Variants in PLEKHN1 observed in about 807,000 individuals in gnomAD.
The protein encoded by PLEKHN1 is pleckstrin homology domain containing N1.
In PLEKHN1, 68 loss-of-function variants were observed where a neutral mutation model predicts 72.8. The observed-to-expected ratio is 0.93, with a 90% CI of 0.77 to 1.14. The LOEUF (loss-of-function observed/expected upper bound fraction) is 1.14. PLEKHN1 is among the 50% of genes most tolerant of loss of function. The pLI is 0.00. For missense variants in PLEKHN1, 1,015 were observed against 840.5 expected, an observed-to-expected ratio of 1.21 and a Z score of -2.57; for synonymous variants, 454 against 371.6, an observed-to-expected ratio of 1.22 and a Z score of -2.55.
intron 14 of PLEKHN1, 85 bp from the exon 15 acceptor site, chr1:974,231 T>A: frequency 6.3e-7 from 1 of 1,587,456 alleles, no homozygotes; most frequent in Non-Finnish European, 8.6e-7. Flanking sequence ...CAGGGGGACA[T>A]GGGGGGCTGC....
In PLEKHN1 at chr1:972,937, C is replaced by T; in HGVS notation, c.1079C>T (p.Ser360Phe). The T allele has an allele frequency of 1.9e-6, 3 of 1,564,984 alleles. No homozygotes were observed. Among genetic ancestry groups the T allele is most frequent in the Non-Finnish European group, 2.6e-6 (3 of 1,154,704 alleles). ...SWDSGCLAPP[S>F]TRTSHSLPES... ...GACTCGGGGTGCTTGGCGCCCCCCT[C>T]CACCCGCACCAGCCACTCCCTGCCT... Residue 360 changes from serine (S) to phenylalanine (F), a missense_variant, in exon 11 of 16, where the codon TCC becomes TTC. Physicochemically the swap from Ser to Phe is radical, Grantham distance 155. Transcript: ENST00000379410.
intron 2 of PLEKHN1, among the ~76,000 whole-genome samples, 200 bp downstream of exon 2, chr1:967,003 A>C (rs1643030028): frequency 6.6e-6 from 1 of 152,202 alleles, no homozygotes; most frequent in African/African-American, 2.4e-5. Flanking sequence ...ACCGCGACGC[A>C]GGACTGAGTC....
In PLEKHN1 at chr1:974,610, C is replaced by G. The variant is rs543878722; in HGVS notation, c.*35C>G. The G allele has an allele frequency of 7.3e-5, 116 of 1,583,572 alleles. No individual in the cohort carries two copies. Among genetic ancestry groups the G allele is most frequent in the Middle Eastern group, 7.3e-4 (4 of 5,474 alleles). On this transcript the variant is annotated 3_prime_UTR_variant, in exon 16 of 16. Transcript: ENST00000379410. ...TGAGGTGGGTTCTCAGGACCACCCT[C>G]GCCAAGCTCCAGGGTACCTGCCCCT...
Position 973,881 on chromosome 1 carries a change from C to A in PLEKHN1, c.1483C>A (p.Leu495Ile), listed in dbSNP as rs765245243. ...SARGPTPSSP[L>I]PSVPVSVPAS... ...ACGTGGACCCACGCCCTCGAGCCCACTCCCCTCGGTGCCTGTGTCTGTGCC... is the reference window on the plus strand; with the variant it reads ...ACGTGGACCCACGCCCTCGAGCCCAATCCCCTCGGTGCCTGTGTCTGTGCC... The change falls in exon 14 of 16, where the codon CTC becomes ATC. Residue 495 changes from leucine (L) to isoleucine (I), a missense_variant. Leu to Ile is a conservative substitution (Grantham distance 5). Coordinates refer to ENST00000379410, the MANE Select transcript of PLEKHN1 (RefSeq NM_032129.3). The A allele has an allele frequency of 6.2e-7, 1 of 1,611,096 alleles. No individual in the cohort carries two copies. Among genetic ancestry groups the A allele is most frequent in the Non-Finnish European group, 8.5e-7 (1 of 1,179,910 alleles).
Position 973,883 on chromosome 1 carries a change from C to A in PLEKHN1, c.1485C>A (p.Leu495=). The part of the protein sequence containing the change: ...SARGPTPSSP[L]PSVPVSVPAS... ...GTGGACCCACGCCCTCGAGCCCACT[C>A]CCCTCGGTGCCTGTGTCTGTGCCTG... is the stretch of plus-strand genomic sequence containing the variant. The change falls in exon 14 of 16, where the codon CTC becomes CTA. Residue 495 remains leucine, a synonymous_variant. Coordinates refer to ENST00000379410, the MANE Select transcript of PLEKHN1 (RefSeq NM_032129.3). 6.2e-7 allele frequency: 1 copy of A among 1,611,066 alleles called. No individual in the cohort carries two copies. Among genetic ancestry groups the A allele is most frequent in the Non-Finnish European group, 8.5e-7 (1 of 1,179,876 alleles).
Position 974,800 on chromosome 1 carries a change from AG to A in PLEKHN1, c.*227del, listed in dbSNP as rs1643529957. ...CATCCAAAGGATGCCCTGGCCAGCG[AG>A]GCTGGGTCACAGGTCAGGGAGGTCC... On this transcript the variant is annotated 3_prime_UTR_variant, in exon 16 of 16. Coordinates refer to ENST00000379410, the MANE Select transcript of PLEKHN1 (RefSeq NM_032129.3). 1.6e-6 allele frequency: 1 copy of A among 622,982 alleles called. No homozygotes were observed. 38.6% of individuals were successfully genotyped at this position (622,982 alleles called of 1,614,324 possible).
In PLEKHN1 at chr1:972,988, G is replaced by A. The variant is rs761371239; in HGVS notation, c.1130G>A (p.Gly377Asp). Residue 377 changes from glycine (G) to aspartate (D), a missense_variant, in exon 11 of 16, where the codon GGC (glycine) becomes GAC (aspartate). Gly to Asp is a moderately conservative substitution (Grantham distance 94). Transcript: ENST00000379410. ...LPESSVPSTV[G>D]CSSQHTPDQA... ...GAGTCCTCAGTGCCATCCACCGTGG[G>A]CTGCTCCTCCCAGCACACACCGGTG... is the stretch of plus-strand genomic sequence containing the variant. 3.3e-5 allele frequency: 52 copies of A among 1,596,482 alleles called. No individual in the cohort carries two copies. The East Asian group carries it at 1.0e-3, about 32-fold the overall frequency.
In PLEKHN1 at chr1:975,029, T is replaced by C. The variant is rs28536514; in HGVS notation, c.*454T>C. On this transcript the variant is annotated 3_prime_UTR_variant, in exon 16 of 16. Coordinates refer to ENST00000379410, the MANE Select transcript of PLEKHN1 (RefSeq NM_032129.3). ...AGCCAGGGTGCCCCGAGGAGGAGGG[T>C]GGGTGGGTCCTTGTGTGGCCTGGCG... 24,243 of 164,486 alleles carry C rather than the reference T, an allele frequency of 0.15. 1,844 individuals carry two copies. Among genetic ancestry groups the C allele is most frequent in the African/African-American group, 0.19 (7,528 of 40,186 alleles). 10.2% of individuals were successfully genotyped at this position (164,486 alleles called of 1,614,324 possible).
chr1:967,571 G>A (rs552767313), intron 2 of PLEKHN1, among the ~76,000 whole-genome samples: 6 of 152,108 alleles, frequency 3.9e-5, no homozygotes, highest in African/African-American at 1.2e-4. Flanking sequence ...GAGCATCTGC[G>A]GGAGAGGACG....
rs537650048 is a variant in PLEKHN1, at chr1:974,686, G to GA, written c.*112dup. On this transcript the variant is annotated 3_prime_UTR_variant, in exon 16 of 16. Coordinates refer to ENST00000379410, the MANE Select transcript of PLEKHN1 (RefSeq NM_032129.3). ...GGGTCTGAACCCAGTGTGATGGGGG[G>GA]AGTCTCTGGGGCCCTGAGTTCAGAG... 48 of 1,354,438 alleles carry GA rather than the reference G, an allele frequency of 3.5e-5. No individual in the cohort carries two copies. The East Asian group carries it at 9.1e-4, about 26-fold the overall frequency. 83.9% of individuals were successfully genotyped at this position (1,354,438 alleles called of 1,614,324 possible). A position where few individuals can be genotyped will look rare whatever the true frequency, so the allele number is the denominator to read the frequency against.
chr1:973,934 C>G lies in PLEKHN1; in HGVS notation c.1536C>G (p.Ser512=), dbSNP rs138435605. 1 of 1,611,142 alleles carries G rather than the reference C, an allele frequency of 6.2e-7. No individual in the cohort carries two copies. The highest frequency in any genetic ancestry group is 1.1e-5 in the South Asian group (1 of 91,018). The change falls in exon 14 of 16, where the codon TCC becomes TCG. Residue 512 remains serine (S), a synonymous_variant. Transcript: ENST00000379410. ...VPASDPRSCS[S]GPAGPYLLSK... Reference sequence around the variant, plus strand: ...CCTCTGACCCTCGCTCCTGCTCCTCCGGCCCCGCTGGCCCCTACTTGCTCT... The same window carrying G: ...CCTCTGACCCTCGCTCCTGCTCCTCGGGCCCCGCTGGCCCCTACTTGCTCT...
In PLEKHN1 at chr1:971,112, G is replaced by C. The variant is rs1377092275; in HGVS notation, c.613-1G>C. The C allele has an allele frequency of 6.3e-7, 1 of 1,594,546 alleles. No individual in the cohort carries two copies. Among genetic ancestry groups the C allele is most frequent in the South Asian group, 1.1e-5 (1 of 88,254 alleles). On this transcript the variant is annotated splice_acceptor_variant, in intron 6 of 15. Transcript: ENST00000379410. LOFTEE classifies it high-confidence loss of function. Reference sequence around the variant, plus strand: ...GAGACGAACTCCCCTGGACTTTGCAGCGCCGTCTAACCCGGCTGCGGACGG... The same window carrying C: ...GAGACGAACTCCCCTGGACTTTGCACCGCCGTCTAACCCGGCTGCGGACGG...
At chr1:972,470 A>T in intron 10 of PLEKHN1, 46 bp downstream of exon 10, 1 of 1,505,866 alleles carries the variant, frequency 6.6e-7, no homozygotes, top group East Asian at 2.5e-5. Flanking sequence ...GGCAGTGGTA[A>T]AAAGGGGGCA....
rs148853412 is a variant in PLEKHN1 at position 974,495 on chromosome 1, G to A, written c.1756G>A (p.Glu586Lys). Residue 586 changes from glutamate to lysine, a missense_variant, in exon 16 of 16, where the codon GAG (glutamate) becomes AAG (lysine). Coordinates refer to ENST00000379410, the MANE Select transcript of PLEKHN1 (RefSeq NM_032129.3). The part of the protein sequence containing the change: ...RDPGYDHLWD[E>K]TLSSSHQKCP... ...CCCCGGCTACGACCACCTCTGGGAC[G>A]AGACTTTGTCTTCCTCCCACCAGAA... 3.3e-4 allele frequency: 534 copies of A among 1,612,690 alleles called. 3 individuals carry two copies. In the African/African-American group the frequency reaches 6.2e-3, roughly 19 times the overall value.
Position 975,127 on chromosome 1 carries a change from G to A in PLEKHN1, c.*552G>A, listed in dbSNP as rs1278516881. 1 of 152,012 alleles carries A rather than the reference G, an allele frequency of 6.6e-6. No homozygotes were observed. The highest frequency in any genetic ancestry group is 1.5e-5 in the Non-Finnish European group (1 of 68,406). The allele number at this position is 152,012 out of a possible 1,614,324, so 9.4% of individuals were successfully genotyped here. A position where few individuals can be genotyped will look rare whatever the true frequency, so the allele number is the denominator to read the frequency against. The stretch of plus-strand genomic sequence containing the variant: ...GAAAAAAGAGAGAAGAGAGAGAGGA[G>A]AAGAGAGAAAAGAAGAGAAGAGAGA... On this transcript the variant is annotated 3_prime_UTR_variant, in exon 16 of 16. Coordinates refer to ENST00000379410, the MANE Select transcript of PLEKHN1 (RefSeq NM_032129.3).
Position 973,577 on chromosome 1 carries a change from C to T in PLEKHN1, c.1371C>T (p.Ala457=), listed in dbSNP as rs773989628. The change falls in exon 13 of 16, where the codon GCC becomes GCT. Residue 457 remains alanine (A), a synonymous_variant. Transcript: ENST00000379410. ...TSETSHSPLY[A]DPYTPPATSH... ...AAACATCACACTCGCCCCTCTATGC[C>T]GACCCCTACACACCACCCGCCACCT... The T allele has an allele frequency of 5.0e-5, 80 of 1,613,246 alleles. No individual in the cohort carries two copies. Among genetic ancestry groups the T allele is most frequent in the Middle Eastern group, 1.6e-4 (1 of 6,082 alleles).
In PLEKHN1 at chr1:974,047, A is replaced by T; in HGVS notation, c.1649A>T (p.Gln550Leu). Reference sequence around the variant, plus strand: ...GGGCCGCAGCCCCCAGACGCCCCTCAGCTTGTGAGTAGCAGCCCCCACGCC... The same window carrying T: ...GGGCCGCAGCCCCCAGACGCCCCTCTGCTTGTGAGTAGCAGCCCCCACGCC... The part of the protein sequence containing the change: ...DGGPQPPDAP[Q>L]LVSSAREGSP... Residue 550 changes from glutamine (Q) to leucine (L), a missense_variant, in exon 14 of 16, where the codon CAG becomes CTG. Transcript: ENST00000379410. 6 of 1,581,926 alleles carry T rather than the reference A, an allele frequency of 3.8e-6. No homozygotes were observed. Among genetic ancestry groups the T allele is most frequent in the Non-Finnish European group, 5.1e-6 (6 of 1,167,282 alleles).
chr1:974,390 G>C (rs1173563417), intron 15 of PLEKHN1, 26 bp downstream of exon 15: 3 of 1,612,948 alleles, frequency 1.9e-6, no homozygotes, highest in Admixed American at 3.3e-5. Flanking sequence ...GCCTCCTGAG[G>C]TGAGTGCCTG....
chr1:970,737 G>T lies in PLEKHN1; in HGVS notation c.463G>T (p.Glu155Ter). ...LSVCPLEGSR[E>*]HAFQITGPLP... is the part of the protein sequence containing the mutation. ...TGTCTGCCCGCTCGAGGGGTCCCGAGAGCACGCCTTCCAGATCACAGGTGT... is the reference window on the plus strand; with the variant it reads ...TGTCTGCCCGCTCGAGGGGTCCCGATAGCACGCCTTCCAGATCACAGGTGT... Residue 155 changes from glutamate to a stop codon, truncating the protein, a stop_gained, in exon 5 of 16, where the codon GAG becomes TAG. Coordinates refer to ENST00000379410, the MANE Select transcript of PLEKHN1 (RefSeq NM_032129.3). LOFTEE classifies it high-confidence loss of function. This position sits in a 1 kb window ranked among gnomAD's most constrained non-coding sequence, Gnocchi z 4.2. 1 of 1,609,226 alleles carries T rather than the reference G, an allele frequency of 6.2e-7. No homozygotes were observed.
Sources: gnomAD v4.1 joint callset for allele counts (sites outside exome capture counted in the v4.1 genomes callset) on GRCh38, gnomAD v4.1.1 for gene constraint, Gnocchi (gnomAD v3.1) non-coding constraint, MANE v1.5 for transcripts, NCBI Gene and HGNC (gene_info 2026-07-23, HGNC 2026-07-21) for gene names.